The following RAB3GAP1 variants were observed in gnomAD, a reference collection of about 807,000 sequenced individuals.
RAB3GAP1 encodes RAB3 GTPase activating protein catalytic subunit 1, also known as rab3 GTPase-activating protein catalytic subunit.
A neutral mutation model predicts 130.7 loss-of-function variants in RAB3GAP1; 86 were observed. That is an observed-to-expected ratio of 0.66 (90% CI 0.55 to 0.79). RAB3GAP1 has a LOEUF of 0.79. Among genes scored for constraint, RAB3GAP1 ranks in the 30% least tolerant of loss-of-function variants. The pLI is 0.00. For missense variants in RAB3GAP1, 1,029 were observed against 1,169.4 expected (o/e 0.88, Z 1.75); for synonymous variants, 367 against 401.7 (o/e 0.91, Z 1.03).
rs1690877606 is a variant in RAB3GAP1, at chr2:135,113,407, C to T, written c.482+137C>T. 5.3e-6 allele frequency: 6 copies of T among 1,140,290 alleles called. No individual in the cohort carries two copies. In the East Asian group the frequency reaches 1.5e-4, roughly 29 times the overall value. 70.6% of individuals were successfully genotyped at this position (1,140,290 alleles called of 1,614,324 possible). On this transcript the variant is annotated intron_variant, in intron 6 of 23. Coordinates refer to ENST00000264158, the MANE Select transcript of RAB3GAP1 (RefSeq NM_012233.3). ...ATATATATTGTTAAACTAAATTTGACTTGAGGTTACCTCTGTATCCGCTCC... is the reference window on the plus strand; with the variant it reads ...ATATATATTGTTAAACTAAATTTGATTTGAGGTTACCTCTGTATCCGCTCC...
rs535153542 is a variant in RAB3GAP1, at chr2:135,136,983, G to A, written c.1923+1051G>A. The A allele has an allele frequency of 6.4e-4, 146 of 228,816 alleles. 1 individual carries two copies. The highest frequency in any genetic ancestry group is 3.0e-3 in the African/African-American group (132 of 43,492). 14.2% of individuals were successfully genotyped at this position (228,816 alleles called of 1,614,324 possible). On this transcript the variant is annotated intron_variant, in intron 17 of 23. Transcript: ENST00000264158. ...TGTGTCTGTAGTTGCAGCTACTCAG[G>A]AAGAGGAGGCTGAGGCAAGAGTATT...
rs200907583 is a variant in RAB3GAP1, at chr2:135,162,798, T to C, written c.2437T>C (p.Ser813Pro). ...TAAGAAGATCATAAAGCAGATAATA[T>C]CCCATTCCAGTAAAGTTTTGCACTT... ...SVKKIIKQII[S>P]HSSKVLHFPN... Residue 813 changes from serine (S) to proline (P), a missense_variant, in exon 21 of 24, where the codon TCC (serine) becomes CCC (proline). Coordinates refer to ENST00000264158, the MANE Select transcript of RAB3GAP1 (RefSeq NM_012233.3). The C allele has an allele frequency of 2.5e-6, 4 of 1,613,876 alleles. No individual in the cohort carries two copies. The highest frequency in any genetic ancestry group is 3.4e-6 in the Non-Finnish European group (4 of 1,179,766).
rs371699670 is a variant in RAB3GAP1 at position 135,060,632 on chromosome 2, AC to A, written c.150+2550del. On this transcript the variant is annotated intron_variant, in intron 3 of 23. Coordinates refer to ENST00000264158, the MANE Select transcript of RAB3GAP1 (RefSeq NM_012233.3). ...TGTCAAGATAGAGGTCATCTCTGTT[AC>A]CCCAGGAAGATCCTTAGTGACCCTT... Among the ~76,000 whole-genome samples the A allele has an allele frequency of 4.4e-4, 67 of 151,920 alleles. 2 individuals carry two copies. In the East Asian group the frequency reaches 9.7e-3, roughly 22 times the overall value.
chr2:135,176,209 A>G (rs1336969367), intron 24 of RAB3GAP1: 1 of 152,150 alleles, frequency 6.6e-6, no homozygotes, highest in Non-Finnish European at 1.5e-5. Flanking sequence ...TATACTATAA[A>G]AGTATGGTAC....
At chr2:135,083,765 C>T (rs1237753763) in intron 3 of RAB3GAP1, among the ~76,000 whole-genome samples, 15 of 103,830 alleles carry the variant, frequency 1.4e-4, no homozygotes, top group Admixed American at 5.7e-4. Flanking sequence ...GTACCCAACA[C>T]GGTTTTTTTT....
At chr2:135,127,406 C>T (rs1477840417) in intron 11 of RAB3GAP1, among the ~76,000 whole-genome samples, 3 of 151,356 alleles carry the variant, frequency 2.0e-5, no homozygotes, top group Admixed American at 6.6e-5. Flanking sequence ...TGCAGTGGCG[C>T]GATCTCGGCT....
chr2:135,161,341 G>T (rs1349131021), intron 19 of RAB3GAP1, among the ~76,000 whole-genome samples: 1 of 152,102 alleles, frequency 6.6e-6, no homozygotes, highest in East Asian at 1.9e-4. Flanking sequence ...CAGTGAAAAT[G>T]AGTAAACTAT....
intron 5 of RAB3GAP1, among the ~76,000 whole-genome samples, chr2:135,098,248 A>G (rs1196230386): frequency 6.6e-6 from 1 of 151,926 alleles, no homozygotes; most frequent in African/African-American, 2.4e-5. Flanking sequence ...AAGTTTTGAG[A>G]GTTCGTTGTA....
intron 5 of RAB3GAP1, among the ~76,000 whole-genome samples, chr2:135,099,463 G>GTGTGTGTA (rs1553442724): frequency 5.4e-5 from 8 of 149,276 alleles, no homozygotes; most frequent in African/African-American, 2.0e-4. Flanking sequence ...GTGTGTGTGT[G>GTGTGTGTA]TGTATGTATG....
chr2:135,109,946 T>G (rs1209967753), intron 5 of RAB3GAP1, among the ~76,000 whole-genome samples: 4 of 152,050 alleles, frequency 2.6e-5, no homozygotes, highest in African/African-American at 7.2e-5. Flanking sequence ...TCTGGTTGGT[T>G]GTTTTTTGTT....
chr2:135,161,099 C>T (rs776528753), intron 19 of RAB3GAP1, among the ~76,000 whole-genome samples: 1 of 152,150 alleles, frequency 6.6e-6, no homozygotes, highest in Non-Finnish European at 1.5e-5. Context: ...GGATGTACAA[C>T]AGAGGGAACT....
intron 8 of RAB3GAP1, among the ~76,000 whole-genome samples, chr2:135,121,892 C>T (rs1017598646): frequency 6.6e-6 from 1 of 151,884 alleles, no homozygotes; most frequent in Non-Finnish European, 1.5e-5. Flanking sequence ...CGGGAGTTCA[C>T]GACCAACCTG....
At chr2:135,127,331 T>C (rs1573575998) in intron 11 of RAB3GAP1, among the ~76,000 whole-genome samples, 3 of 145,306 alleles carry the variant, frequency 2.1e-5, no homozygotes, top group Admixed American at 6.8e-5. Flanking sequence ...GAGCACTGTT[T>C]TGTTTGTTTG....
At chr2:135,135,467 G>T in intron 16 of RAB3GAP1, 97 bp from the exon 17 acceptor site, 1 of 1,461,188 alleles carries the variant, frequency 6.8e-7, no homozygotes, top group Non-Finnish European at 9.4e-7. Context: ...ACAAGGTCCT[G>T]AGAAGTGGAG....
chr2:135,076,373 AT>A (rs1212492540), intron 3 of RAB3GAP1, among the ~76,000 whole-genome samples: 9 of 152,084 alleles, frequency 5.9e-5, no homozygotes, highest in African/African-American at 1.2e-4. Flanking sequence ...CACACTGTTT[AT>A]TTTCATTATA....
At chr2:135,075,032 G>A (rs906052765) in intron 3 of RAB3GAP1, among the ~76,000 whole-genome samples, 1 of 152,228 alleles carries the variant, frequency 6.6e-6, no homozygotes, top group African/African-American at 2.4e-5. Flanking sequence ...TCCACACTTT[G>A]CATCATTTAG....
intron 17 of RAB3GAP1, among the ~76,000 whole-genome samples, chr2:135,138,221 G>A (rs1691733089): frequency 6.6e-6 from 1 of 150,890 alleles, no homozygotes; most frequent in Admixed American, 6.6e-5. Flanking sequence ...GGTGGGGTTG[G>A]ATTGCTTGAG....
chr2:135,077,390 G>A (rs1225224468), intron 3 of RAB3GAP1, among the ~76,000 whole-genome samples: 1 of 150,658 alleles, frequency 6.6e-6, no homozygotes, highest in Non-Finnish European at 1.5e-5. Flanking sequence ...TGTTCTACTT[G>A]CTTTCAGTTC....
intron 3 of RAB3GAP1, among the ~76,000 whole-genome samples, chr2:135,070,393 C>T (rs761169337): frequency 6.6e-6 from 1 of 152,158 alleles, no homozygotes; most frequent in African/African-American, 2.4e-5. Flanking sequence ...CATAGCTCAT[C>T]GTGGATAGAA....
Sources: gnomAD v4.1 joint callset for allele counts (sites outside exome capture counted in the v4.1 genomes callset) on GRCh38, gnomAD v4.1.1 for gene constraint, MANE v1.5 for transcripts, NCBI Gene and HGNC (gene_info 2026-07-23, HGNC 2026-07-21) for gene names.